The following NIF3L1 variants were observed in gnomAD, a reference collection of about 807,000 sequenced individuals.
NIF3L1 encodes NIF3-like protein 1.
A neutral mutation model predicts 35.0 loss-of-function variants in NIF3L1; 26 were observed. That is an observed-to-expected ratio of 0.74 (90% CI 0.54 to 1.03). NIF3L1 has a LOEUF of 1.03. NIF3L1 is among the 50% of genes least tolerant of loss of function. The probability of loss-of-function intolerance (pLI) is 0.00; values close to 1 mark genes in which losing one functional copy is unlikely to be tolerated. For missense variants in NIF3L1, 449 were observed against 466.3 expected, an observed-to-expected ratio of 0.96 and a Z score of 0.34; for synonymous variants, 157 against 178.9, an observed-to-expected ratio of 0.88 and a Z score of 0.98.
chr2:200,893,872 GTTTGT>G (rs1430292541), intron 3 of NIF3L1, among the ~76,000 whole-genome samples: 1 of 151,148 alleles, frequency 6.6e-6, no homozygotes, highest in Admixed American at 6.6e-5. Context: ...GTCTTTTTTT[GTTTGT>G]TTTAAGAGAC....
Position 200,897,100 on chromosome 2 carries a change from GGACGGTTAT to G in NIF3L1, c.753_761del (p.Arg252_Cys254del), listed in dbSNP as rs2040330840. On this transcript the variant is annotated inframe_deletion, in exon 5 of 7. Coordinates refer to ENST00000409020, the MANE Select transcript of NIF3L1 (RefSeq NM_001369441.2). The stretch of plus-strand genomic sequence containing the variant: ...GCCTTTGCTTCTACATACTGGAATG[GGACGGTTAT>G]GCACACTGGATGAATCTGTCTCCCT... The G allele has an allele frequency of 3.1e-6, 5 of 1,613,930 alleles. No homozygotes were observed. Among genetic ancestry groups the G allele is most frequent in the Admixed American group, 1.7e-5 (1 of 59,990 alleles).
chr2:200,897,217 A>G lies in NIF3L1; in HGVS notation c.865+3A>G. 1.2e-6 allele frequency: 2 copies of G among 1,613,650 alleles called. No homozygotes were observed. The highest frequency in any genetic ancestry group is 2.2e-5 in the South Asian group (2 of 91,038). ...CCTTGGGGTGGGGAGAACCTTAGGT[A>G]AATATAGCTCCTTCATCTATCCAGT... On this transcript the variant is annotated splice_donor_region_variant and intron_variant, in intron 5 of 6. Coordinates refer to ENST00000409020, the MANE Select transcript of NIF3L1 (RefSeq NM_001369441.2).
intron 4 of NIF3L1, among the ~76,000 whole-genome samples, chr2:200,896,875 C>T (rs916162343): frequency 9.9e-5 from 15 of 152,180 alleles, no homozygotes; most frequent in African/African-American, 3.1e-4. Context: ...TGAGCCATCG[C>T]GCCTGGCCTG....
At chr2:200,892,810 C>T (rs767689380) in intron 2 of NIF3L1, among the ~76,000 whole-genome samples, 3 of 152,154 alleles carry the variant, frequency 2.0e-5, no homozygotes, top group Non-Finnish European at 2.9e-5. Context: ...TGGATTTTAG[C>T]TTTATTTTAG....
chr2:200,902,228 C>T (rs138223596), intron 6 of NIF3L1, among the ~76,000 whole-genome samples: 119 of 152,310 alleles, frequency 7.8e-4, no homozygotes, highest in African/African-American at 2.6e-3. Flanking sequence ...TACAGTTTTG[C>T]TCTTAAATTA....
At position 200,903,922 on chromosome 2, in the gene NIF3L1, T is replaced by C; in HGVS notation, c.*244T>C. The C allele has an allele frequency of 2.0e-6, 1 of 493,138 alleles. No homozygotes were observed. Among genetic ancestry groups the C allele is most frequent in the Non-Finnish European group, 3.7e-6 (1 of 270,382 alleles). 30.5% of individuals were successfully genotyped at this position (493,138 alleles called of 1,614,324 possible). A position where few individuals can be genotyped will look rare whatever the true frequency, so the allele number is the denominator to read the frequency against. ...GAAAGATTGAATAAAATCTGTTTAC[T>C]TAACATTCTTTGGAAGGAGCTCAAG... On this transcript the variant is annotated 3_prime_UTR_variant, in exon 7 of 7. Transcript: ENST00000409020.
chr2:200,898,688 A>G (rs1235475259), intron 5 of NIF3L1, among the ~76,000 whole-genome samples: 1 of 152,224 alleles, frequency 6.6e-6, no homozygotes, highest in African/African-American at 2.4e-5. Flanking sequence ...AGTGTCCACT[A>G]AAGTGTTCAT....
intron 1 of NIF3L1, among the ~76,000 whole-genome samples, chr2:200,891,372 T>C (rs2040190466): frequency 6.6e-6 from 1 of 152,198 alleles, no homozygotes; most frequent in South Asian, 2.1e-4. Context: ...TGGCTTATAT[T>C]AGTGATACTG....
At chr2:200,898,579 A>G (rs898937666) in intron 5 of NIF3L1, among the ~76,000 whole-genome samples, 1 of 152,138 alleles carries the variant, frequency 6.6e-6, no homozygotes, top group Admixed American at 6.6e-5. Context: ...AAACAACCCA[A>G]GGGAGTTAGT....
chr2:200,899,173 C>A, intron 5 of NIF3L1: 1 of 379,752 alleles, frequency 2.6e-6, no homozygotes, highest in Non-Finnish European at 4.7e-6. Context: ...GGAATAATAA[C>A]CATGCCTTGG....
Position 200,892,251 on chromosome 2 carries a change from T to C in NIF3L1, c.308T>C (p.Ile103Thr), listed in dbSNP as rs2040212158. 1 of 1,614,050 alleles carries C rather than the reference T, an allele frequency of 6.2e-7. No homozygotes were observed. Among genetic ancestry groups the C allele is most frequent in the African/African-American group, 1.3e-5 (1 of 74,932 alleles). ...CCTATCTTCCGACCCATGAAGCGCA[T>C]AACCTGGAACACATGGAAGGAGCGC... ...HPPIFRPMKR[I>T]TWNTWKERLV... Residue 103 changes from isoleucine (I) to threonine (T), a missense_variant, in exon 2 of 7, where the codon ATA (isoleucine) becomes ACA (threonine). Physicochemically the swap from Ile to Thr is moderately conservative, Grantham distance 89. Transcript: ENST00000409020.
At position 200,903,772 on chromosome 2, in the gene NIF3L1, AGT is replaced by A. The variant is rs756282564; in HGVS notation, c.*97_*98del. On this transcript the variant is annotated 3_prime_UTR_variant, in exon 7 of 7. Transcript: ENST00000409020. ...CAGTGGGACTGGTGTGCTTCCAGAG[AGT>A]GTCTTCGAGGGTATCATCATTTCCG... is the stretch of plus-strand genomic sequence containing the variant. The A allele has an allele frequency of 4.2e-6, 4 of 957,642 alleles. No homozygotes were observed. In the African/African-American group the frequency reaches 4.8e-5, roughly 12 times the overall value. 59.3% of individuals were successfully genotyped at this position (957,642 alleles called of 1,614,324 possible).
intron 1 of NIF3L1, among the ~76,000 whole-genome samples, chr2:200,890,890 G>C (rs1309826838): frequency 6.6e-6 from 1 of 151,994 alleles, no homozygotes; most frequent in Non-Finnish European, 1.5e-5. Flanking sequence ...CCCATTTATA[G>C]AGTGACCTGC....
chr2:200,893,217 C>T, intron 2 of NIF3L1, 29 bp from the exon 3 acceptor site: 1 of 1,460,572 alleles, frequency 6.8e-7, no homozygotes. Context: ...CCCCCCAAAA[C>T]TCCCATTTTC....
intron 6 of NIF3L1, among the ~76,000 whole-genome samples, chr2:200,901,468 G>A (rs1025026976): frequency 6.6e-6 from 1 of 152,164 alleles, no homozygotes; most frequent in African/African-American, 2.4e-5. Flanking sequence ...ATGTTAAAAT[G>A]TCCTTCCTAT....
chr2:200,893,172 C>T, intron 2 of NIF3L1, 74 bp from the exon 3 acceptor site: 2 of 1,165,882 alleles, frequency 1.7e-6, no homozygotes, highest in Non-Finnish European at 1.2e-6. Flanking sequence ...AGAAATTTTG[C>T]CTATAATAGT....
intron 1 of NIF3L1, among the ~76,000 whole-genome samples, chr2:200,891,035 T>G (rs2040178027): frequency 6.6e-6 from 1 of 151,550 alleles, no homozygotes; most frequent in African/African-American, 2.4e-5. Context: ...CTTGGCTCAC[T>G]GCAACCTCCG....
At chr2:200,902,461 G>A (rs1459773655) in intron 6 of NIF3L1, among the ~76,000 whole-genome samples, 1 of 152,050 alleles carries the variant, frequency 6.6e-6, no homozygotes, top group African/African-American at 2.4e-5. Context: ...CCAGCTACTC[G>A]AGAGGCTGAG....
chr2:200,897,067 TCTC>T lies in NIF3L1; in HGVS notation c.727-5_727-3del, dbSNP rs746419430. 6.2e-7 allele frequency: 1 copy of T among 1,612,756 alleles called. No homozygotes were observed. The highest frequency in any genetic ancestry group is 1.1e-5 in the South Asian group (1 of 90,894). On this transcript the variant is annotated splice_polypyrimidine_tract_variant and splice_region_variant and intron_variant, in intron 4 of 6. Coordinates refer to ENST00000409020, the MANE Select transcript of NIF3L1 (RefSeq NM_001369441.2). ...ATGCACACCGTTTCTAACTTCTGTT[TCTC>T]CTCAGCCTTTGCTTCTACATACTGG... is the stretch of plus-strand genomic sequence containing the variant.
Sources: allele counts gnomAD v4.1 joint callset (sites outside exome capture counted in the v4.1 genomes callset), GRCh38; gene constraint gnomAD v4.1.1; transcripts MANE v1.5; gene names NCBI Gene and HGNC (gene_info 2026-07-23, HGNC 2026-07-21).